Variants in SHANK2 observed in about 807,000 individuals in gnomAD.
SHANK2 encodes the protein SH3 and multiple ankyrin repeat domains protein 2.
A neutral mutation model predicts 133.7 loss-of-function variants in SHANK2; 43 were observed. The ratio of observed to expected loss-of-function variants is 0.32; its 90% CI spans 0.25 to 0.41. SHANK2 has a LOEUF of 0.41. SHANK2 is among the 10% of genes least tolerant of loss of function. SHANK2 has a pLI of 1.00. For missense variants in SHANK2, 1,994 were observed against 2,235.8 expected, an observed-to-expected ratio of 0.89 and a Z score of 2.18; for synonymous variants, 1,017 against 952.8, an observed-to-expected ratio of 1.07 and a Z score of -1.24.
chr11:70,677,706 C>T (rs1429167127), intron 15 of SHANK2, among the ~76,000 whole-genome samples: 1 of 152,194 alleles, frequency 6.6e-6, no homozygotes. Context: ...CAGCACGTCC[C>T]ACCAGAAGCC....
chr11:71,115,175 G>A (rs1335848066), intron 4 of SHANK2, among the ~76,000 whole-genome samples: 3 of 151,936 alleles, frequency 2.0e-5, no homozygotes, highest in Non-Finnish European at 2.9e-5. Context: ...CCTAAGTATC[G>A]GCATCAATTT....
chr11:70,500,552 A>T lies in SHANK2; in HGVS notation c.2308+18T>A, dbSNP rs781919626. The T allele has an allele frequency of 5.0e-6, 8 of 1,600,272 alleles. No individual in the cohort carries two copies. On this transcript the variant is annotated intron_variant, in intron 21 of 25. Coordinates refer to ENST00000601538, the MANE Select transcript of SHANK2 (RefSeq NM_012309.5). This position sits in a 1 kb window ranked among gnomAD's most constrained non-coding sequence, Gnocchi z 4.5. ...GGTGATGGGCAGGGGGCTGAGACAG[A>T]CACTGGGCCTCCCTTACCCTTCTTC... is the stretch of plus-strand genomic sequence containing the variant.
chr11:70,581,374 C>T (rs2060183065), intron 17 of SHANK2, among the ~76,000 whole-genome samples: 1 of 151,870 alleles, frequency 6.6e-6, no homozygotes, highest in Admixed American at 6.6e-5. Flanking sequence ...TACTTCTCAC[C>T]AACACCATAA....
intron 11 of SHANK2, among the ~76,000 whole-genome samples, chr11:70,880,155 G>A (rs1325395414): frequency 1.3e-5 from 2 of 152,198 alleles, no homozygotes; most frequent in African/African-American, 2.4e-5. Flanking sequence ...CTGCTAGCCT[G>A]GGCATAGATA....
intron 21 of SHANK2, among the ~76,000 whole-genome samples, chr11:70,498,382 T>C (rs2059003002): frequency 6.6e-6 from 1 of 152,190 alleles, no homozygotes; most frequent in Non-Finnish European, 1.5e-5. Flanking sequence ...GGGAAGGGTG[T>C]GCTTGGACCC....
At chr11:70,849,996 G>T (rs919973227) in intron 11 of SHANK2, among the ~76,000 whole-genome samples, 4 of 151,998 alleles carry the variant, frequency 2.6e-5, no homozygotes, top group Non-Finnish European at 4.4e-5. Context: ...AAACACACAT[G>T]CCCTATTCCC....
In SHANK2 at chr11:70,516,810, T is replaced by C. The variant is rs371384850; in HGVS notation, c.2062-13879A>G. On this transcript the variant is annotated intron_variant, in intron 17 of 25. Coordinates refer to ENST00000601538, the MANE Select transcript of SHANK2 (RefSeq NM_012309.5). ...GGGGCTGGGCATGGTGGCTCATGCT[T>C]GTAATCCCAGCACTTTGGGGGGCCG... Among the ~76,000 whole-genome samples, 8 of 152,300 alleles carry C rather than the reference T, an allele frequency of 5.3e-5. No homozygotes were observed. The East Asian group carries it at 1.5e-3, about 29-fold the overall frequency.
intron 9 of SHANK2, among the ~76,000 whole-genome samples, chr11:71,073,142 C>CTTTTTTTTTTTTTTTTT (rs1951165821): frequency 7.3e-5 from 3 of 41,092 alleles, no homozygotes; most frequent in African/African-American, 1.4e-4. Context: ...TTTTCTTTTT[C>CTTTTTTTTTTTTTTTTT]TTTTCTTTTT....
intron 17 of SHANK2, among the ~76,000 whole-genome samples, chr11:70,626,625 A>C (rs2060908929): frequency 6.6e-6 from 1 of 152,204 alleles, no homozygotes; most frequent in African/African-American, 2.4e-5. Context: ...GGCAAGCTTT[A>C]TGCCACAGAG....
chr11:71,214,542 G>C (rs1347879792), intron 2 of SHANK2, among the ~76,000 whole-genome samples: 1 of 152,246 alleles, frequency 6.6e-6, no homozygotes, highest in African/African-American at 2.4e-5. Flanking sequence ...TTCCGAAGAA[G>C]TGTCATCTCT....
At chr11:70,681,088 A>T (rs1285984473) in intron 15 of SHANK2, among the ~76,000 whole-genome samples, 1 of 152,104 alleles carries the variant, frequency 6.6e-6, no homozygotes, top group Admixed American at 6.5e-5. Context: ...GACTCAGAGG[A>T]CACTGGCTGC....
At chr11:71,177,305 A>T (rs1036104184) in intron 2 of SHANK2, among the ~76,000 whole-genome samples, 2 of 152,208 alleles carry the variant, frequency 1.3e-5, no homozygotes, top group African/African-American at 4.8e-5. Flanking sequence ...CCCCTTTAAG[A>T]CAACTGACTA....
chr11:71,242,817 G>T (rs1591048390), intron 1 of SHANK2, among the ~76,000 whole-genome samples: 1 of 152,204 alleles, frequency 6.6e-6, no homozygotes, highest in Non-Finnish European at 1.5e-5. Flanking sequence ...TCCAGGAGAG[G>T]CCTCATGCCC....
chr11:70,473,102 T>C lies in SHANK2; in HGVS notation c.5317A>G (p.Ile1773Val), dbSNP rs782439841. The C allele has an allele frequency of 1.4e-5, 22 of 1,614,120 alleles. No individual in the cohort carries two copies. The highest frequency in any genetic ancestry group is 1.7e-5 in the Non-Finnish European group (20 of 1,180,056). Reference sequence around the variant, plus strand: ...TTAGTTGTAAAAGGCTTATTTGAGATTGGCTGTTGCAGTATCGAGGGGGAT... The same window carrying C: ...TTAGTTGTAAAAGGCTTATTTGAGACTGGCTGTTGCAGTATCGAGGGGGAT... ...SPSPSILQQPISNKPFTTKPV... is the reference protein window; with the variant it reads ...SPSPSILQQPVSNKPFTTKPV... The change falls in exon 26 of 26, where the codon ATC becomes GTC. Residue 1773 changes from isoleucine (I) to valine (V), a missense_variant. Ile to Val is a conservative substitution (Grantham distance 29). Coordinates refer to ENST00000601538, the MANE Select transcript of SHANK2 (RefSeq NM_012309.5). The surrounding 1 kb of genome is among the most constrained non-coding windows in gnomAD (Gnocchi z 5.9).
intron 10 of SHANK2, among the ~76,000 whole-genome samples, chr11:70,906,931 G>A (rs1950113084): frequency 6.6e-6 from 1 of 152,160 alleles, no homozygotes; most frequent in African/African-American, 2.4e-5. Context: ...GCTCCCTGGG[G>A]CTTTGCGAAA....
chr11:70,626,363 T>G (rs909401245), intron 17 of SHANK2, among the ~76,000 whole-genome samples: 4 of 152,210 alleles, frequency 2.6e-5, no homozygotes, highest in African/African-American at 7.2e-5. Context: ...AGCCTGGTAC[T>G]GGGATCAAGA....
chr11:70,525,844 C>G (rs2059389099), intron 17 of SHANK2, among the ~76,000 whole-genome samples: 1 of 151,930 alleles, frequency 6.6e-6, no homozygotes, highest in Non-Finnish European at 1.5e-5. Context: ...AAGTCCTGTT[C>G]TCAGAAGCTT....
chr11:71,063,077 AAG>A (rs1482255825), intron 9 of SHANK2, among the ~76,000 whole-genome samples: 21 of 151,740 alleles, frequency 1.4e-4, no homozygotes, highest in African/African-American at 5.1e-4. Flanking sequence ...GGGAGGGAGA[AAG>A]AGAAAGAGAA....
chr11:70,754,751 G>A (rs1448166339), intron 14 of SHANK2, among the ~76,000 whole-genome samples: 1 of 152,146 alleles, frequency 6.6e-6, no homozygotes. Flanking sequence ...CGGGGCCTCA[G>A]TGGCAGGAGA....
Sources: gnomAD v4.1 joint callset for allele counts (sites outside exome capture counted in the v4.1 genomes callset) on GRCh38, gnomAD v4.1.1 for gene constraint, Gnocchi (gnomAD v3.1) non-coding constraint, MANE v1.5 for transcripts, NCBI Gene and HGNC (gene_info 2026-07-23, HGNC 2026-07-21) for gene names.